The following XRCC4 variants were observed in gnomAD, a reference collection of about 807,000 sequenced individuals.
XRCC4 encodes DNA repair protein XRCC4.
A neutral mutation model predicts 39.1 loss-of-function variants in XRCC4; 28 were observed. That is an observed-to-expected ratio of 0.72 (90% CI 0.53 to 0.98). The LOEUF (loss-of-function observed/expected upper bound fraction) is 0.98, where lower values mean the gene tolerates loss of function less well. Among genes scored for constraint, XRCC4 ranks in the 50% least tolerant of loss-of-function variants. The probability of loss-of-function intolerance (pLI) is 0.00; values close to 1 mark genes in which losing one functional copy is unlikely to be tolerated. For missense variants in XRCC4, 350 were observed against 376.4 expected, an observed-to-expected ratio of 0.93 and a Z score of 0.58; for synonymous variants, 123 against 126.4, an observed-to-expected ratio of 0.97 and a Z score of 0.18.
intron 1 of XRCC4, among the ~76,000 whole-genome samples, chr5:83,102,582 C>T (rs1260028851): frequency 6.6e-6 from 1 of 152,034 alleles, no homozygotes; most frequent in Admixed American, 6.6e-5. Context: ...AGAATCAGAA[C>T]TGGCTGTTTT....
At chr5:83,188,028 A>T (rs1251952205) in intron 3 of XRCC4, among the ~76,000 whole-genome samples, 1 of 152,138 alleles carries the variant, frequency 6.6e-6, no homozygotes, top group East Asian at 1.9e-4. Flanking sequence ...AGATTGGTAA[A>T]ATTAAAGCAT....
chr5:83,324,659 A>G (rs1756188257), intron 7 of XRCC4, among the ~76,000 whole-genome samples: 1 of 152,136 alleles, frequency 6.6e-6, no homozygotes, highest in South Asian at 2.1e-4. Flanking sequence ...AGACAGACAC[A>G]TACTTGAATT....
At chr5:83,344,995 A>G (rs1756876584) in intron 7 of XRCC4, among the ~76,000 whole-genome samples, 1 of 152,190 alleles carries the variant, frequency 6.6e-6, no homozygotes. Flanking sequence ...CTTGGTCGCT[A>G]ATGAAGTTGA....
chr5:83,285,703 G>T (rs1378056904), intron 7 of XRCC4, among the ~76,000 whole-genome samples: 1 of 152,078 alleles, frequency 6.6e-6, no homozygotes, highest in Non-Finnish European at 1.5e-5. Flanking sequence ...ATCGGTCAAG[G>T]GGGGGTTGTT....
chr5:83,218,057 C>CTT (rs1025126667), intron 6 of XRCC4, among the ~76,000 whole-genome samples: 1 of 130,538 alleles, frequency 7.7e-6, no homozygotes, highest in Non-Finnish European at 1.5e-5. Flanking sequence ...CAGTCTTTAC[C>CTT]TTTTTTATAT....
chr5:83,267,059 A>C (rs1401235925), intron 7 of XRCC4, among the ~76,000 whole-genome samples: 1 of 152,172 alleles, frequency 6.6e-6, no homozygotes, highest in Non-Finnish European at 1.5e-5. Context: ...GATTGTGCCA[A>C]ATTCCATAGT....
At chr5:83,079,692 T>G (rs554279579) in intron 1 of XRCC4, among the ~76,000 whole-genome samples, 2 of 152,082 alleles carry the variant, frequency 1.3e-5, no homozygotes, top group African/African-American at 2.4e-5. Context: ...GCCACCATAC[T>G]TGGCTAATTT....
intron 6 of XRCC4, among the ~76,000 whole-genome samples, chr5:83,238,176 C>T (rs769289949): frequency 9.9e-5 from 15 of 152,106 alleles, no homozygotes; most frequent in Non-Finnish European, 1.2e-4. Flanking sequence ...TAATTCTGCC[C>T]ATCAGGAAGG....
intron 3 of XRCC4, among the ~76,000 whole-genome samples, chr5:83,117,418 C>T (rs951615919): frequency 2.6e-5 from 4 of 152,148 alleles, no homozygotes; most frequent in Admixed American, 1.3e-4. Context: ...ATAATGTATT[C>T]ATCTTCCTTT....
chr5:83,358,127 G>A (rs1049485627), downstream of XRCC4, among the ~76,000 whole-genome samples: 3 of 152,126 alleles, frequency 2.0e-5, no homozygotes, highest in African/African-American at 7.2e-5. Context: ...TTTCGGGAAG[G>A]TAGACTTCAT....
intron 3 of XRCC4, among the ~76,000 whole-genome samples, chr5:83,159,390 C>T (rs113205965): frequency 8.6e-5 from 13 of 151,944 alleles, no homozygotes; most frequent in African/African-American, 2.7e-4. Flanking sequence ...CTAGTGCATG[C>T]GATTAAATGA....
chr5:83,281,292 G>T (rs1324835867), intron 7 of XRCC4, among the ~76,000 whole-genome samples: 1 of 152,084 alleles, frequency 6.6e-6, no homozygotes, highest in Non-Finnish European at 1.5e-5. Flanking sequence ...CTGCCAGAGT[G>T]ATCCTTCTAA....
intron 7 of XRCC4, among the ~76,000 whole-genome samples, chr5:83,284,080 G>GAAAAAAAAAA (rs1754652334): frequency 6.0e-5 from 4 of 66,958 alleles, no homozygotes; most frequent in African/African-American, 2.6e-4. Flanking sequence ...AAAAAAAAAC[G>GAAAAAAAAAA]AATAATTCAT....
intron 3 of XRCC4, among the ~76,000 whole-genome samples, chr5:83,117,138 C>T (rs982727776): frequency 6.6e-6 from 1 of 152,092 alleles, no homozygotes; most frequent in African/African-American, 2.4e-5. Context: ...AAATGTTGGG[C>T]GAACAGCTAC....
At chr5:83,339,202 A>C (rs1349808186) in intron 7 of XRCC4, among the ~76,000 whole-genome samples, 2 of 152,236 alleles carry the variant, frequency 1.3e-5, no homozygotes, top group East Asian at 3.8e-4. Flanking sequence ...CAAAATCAAA[A>C]GTGACAGAAT....
At position 83,102,417 on chromosome 5, in the gene XRCC4, C is replaced by G. The variant is rs542165520; in HGVS notation, c.-10-2493C>G. Among the ~76,000 whole-genome samples, 7 of 152,210 alleles carry G rather than the reference C, an allele frequency of 4.6e-5. No homozygotes were observed. In the South Asian group the frequency reaches 1.4e-3, roughly 32 times the overall value. ...TGGGTAGAATTCAAGGGTGACAGAT[C>G]TGAAATAATTTTAAATAAATCCAAG... On this transcript the variant is annotated intron_variant, in intron 1 of 7. Coordinates refer to ENST00000396027, the MANE Select transcript of XRCC4 (RefSeq NM_003401.5).
chr5:83,181,252 T>C (rs1192271899), intron 3 of XRCC4, among the ~76,000 whole-genome samples: 2 of 152,104 alleles, frequency 1.3e-5, no homozygotes, highest in Non-Finnish European at 2.9e-5. Context: ...CTTAATTTTT[T>C]ATATTTTAAT....
rs113177628 is a variant in XRCC4, at chr5:83,279,136, T to C, written c.893+20459T>C. Among the ~76,000 whole-genome samples the C allele has an allele frequency of 4.5e-3, 663 of 148,698 alleles. 2 individuals carry two copies. The highest frequency in any genetic ancestry group is 0.016 in the African/African-American group (634 of 40,830). On this transcript the variant is annotated intron_variant, in intron 7 of 7. Transcript: ENST00000396027. ...ATCTATATCAGTTTGAAACACATTATTGAAAGTGAATACACACAATAAATT... is the reference window on the plus strand; with the variant it reads ...ATCTATATCAGTTTGAAACACATTACTGAAAGTGAATACACACAATAAATT...
intron 3 of XRCC4, among the ~76,000 whole-genome samples, chr5:83,114,384 G>T (rs1411119465): frequency 2.0e-5 from 3 of 151,876 alleles, no homozygotes; most frequent in African/African-American, 4.8e-5. Context: ...AACTTTTATG[G>T]TCTGCTTCCT....
Sources: allele counts gnomAD v4.1 joint callset (sites outside exome capture counted in the v4.1 genomes callset), GRCh38; gene constraint gnomAD v4.1.1; transcripts MANE v1.5; gene names NCBI Gene and HGNC (gene_info 2026-07-23, HGNC 2026-07-21).